The following PRAMEF9 variants were observed in gnomAD, a reference collection of about 807,000 sequenced individuals.
PRAMEF9 encodes the protein PRAME family member 9.
A neutral mutation model predicts 10.9 loss-of-function variants in PRAMEF9; 1 was observed. That is an observed-to-expected ratio of 0.09 (90% CI 0.03 to 0.44). The LOEUF (loss-of-function observed/expected upper bound fraction) is 0.44, where lower values mean the gene tolerates loss of function less well. Ranked by LOEUF, PRAMEF9 falls within the 20% of genes least tolerant of loss-of-function variation. The pLI is 0.97. For missense variants in PRAMEF9, 126 were observed against 379.8 expected (o/e 0.33, Z 5.55); for synonymous variants, 40 against 148.3 (o/e 0.27, Z 5.31).
rs1638361058 is a variant in PRAMEF9, at chr1:13,175,097, G to C, written c.-16-168G>C. ...CTTCGGAGACGCTCATGCTGATGCAGCAGAGGCAGAATGCTGGCTTAATGG... is the reference window on the plus strand; with the variant it reads ...CTTCGGAGACGCTCATGCTGATGCACCAGAGGCAGAATGCTGGCTTAATGG... On this transcript the variant is annotated intron_variant, in intron 1 of 3. Transcript: ENST00000415919. 9.7e-6 allele frequency: 7 copies of C among 720,264 alleles called. 1 individual carries two copies. The highest frequency in any genetic ancestry group is 1.6e-5 in the Non-Finnish European group (7 of 438,612). The allele number at this position is 720,264 out of a possible 1,614,324, so 44.6% of individuals were successfully genotyped here. A position where few individuals can be genotyped will look rare whatever the true frequency, so the allele number is the denominator to read the frequency against.
Position 13,172,530 on chromosome 1 carries a change from C to G in PRAMEF9, c.-19C>G, listed in dbSNP as rs1313280626. 70 of 140,916 alleles carry G rather than the reference C, an allele frequency of 5.0e-4. No homozygotes were observed. The highest frequency in any genetic ancestry group is 1.6e-3 in the African/African-American group (67 of 40,816). 8.7% of individuals were successfully genotyped at this position (140,916 alleles called of 1,614,324 possible). ...AGCACCTTCTAAACTACATCCAGAT[C>G]TGGTAAGTCACTAATTTCTGTAAGG... On this transcript the variant is annotated splice_region_variant and 5_prime_UTR_variant, in exon 1 of 4. The change creates a new upstream start codon in the 5' untranslated region. Transcript: ENST00000415919.
In PRAMEF9 at chr1:13,172,256, T is replaced by G. The variant is rs1361031708; in HGVS notation, c.-293T>G. ...TCGTGAAGTGAATATAGATATGTGA[T>G]ATGAATGGACATCTGATTCAATCCA... On this transcript the variant is annotated 5_prime_UTR_variant, in exon 1 of 4. Coordinates refer to ENST00000415919, the MANE Select transcript of PRAMEF9 (RefSeq NM_001010890.3). 6.9e-6 allele frequency: 1 copy of G among 144,830 alleles called. No homozygotes were observed. Among genetic ancestry groups the G allele is most frequent in the Non-Finnish European group, 1.6e-5 (1 of 64,036 alleles). The allele number at this position is 144,830 out of a possible 1,614,324, so 9.0% of individuals were successfully genotyped here. A position where few individuals can be genotyped will look rare whatever the true frequency, so the allele number is the denominator to read the frequency against.
intron 1 of PRAMEF9, chr1:13,172,757 G>A (rs1638341284): frequency 7.1e-6 from 1 of 140,304 alleles, no homozygotes; most frequent in Non-Finnish European, 1.6e-5. Context: ...TTCTTGAAGG[G>A]AGCAGTGACT....
intron 1 of PRAMEF9, chr1:13,172,883 T>G (rs1384554162): frequency 2.1e-5 from 3 of 140,454 alleles, no homozygotes; most frequent in African/African-American, 7.4e-5. Context: ...ACGTTTTTTT[T>G]GAGGGTGGGG....
At position 13,171,861 on chromosome 1, in the gene PRAMEF9, C is replaced by G. The variant is rs1156903729; in HGVS notation, c.-688C>G. On this transcript the variant is annotated 5_prime_UTR_variant, in exon 1 of 4. Transcript: ENST00000415919. Reference sequence around the variant, plus strand: ...AGTGGAATCAAATGTAGTTCTCTCTCTCTCTTTTTTCTTTTTCTTTTTTTT... The same window carrying G: ...AGTGGAATCAAATGTAGTTCTCTCTGTCTCTTTTTTCTTTTTCTTTTTTTT... The G allele has an allele frequency of 7.4e-6, 1 of 135,076 alleles. No individual in the cohort carries two copies. The highest frequency in any genetic ancestry group is 1.7e-5 in the Non-Finnish European group (1 of 60,320). The allele number at this position is 135,076 out of a possible 1,614,324, so 8.4% of individuals were successfully genotyped here.
rs1195606333 is a variant in PRAMEF9 at position 13,172,503 on chromosome 1, T to C, written c.-46T>C. 3.5e-5 allele frequency: 5 copies of C among 141,560 alleles called. No individual in the cohort carries two copies. The highest frequency in any genetic ancestry group is 1.2e-4 in the African/African-American group (5 of 40,772). 8.8% of individuals were successfully genotyped at this position (141,560 alleles called of 1,614,324 possible). ...TTCCTGCTTGGTTCTTCCTGAGGTC[T>C]GAGCACCTTCTAAACTACATCCAGA... On this transcript the variant is annotated 5_prime_UTR_variant, in exon 1 of 4. Transcript: ENST00000415919.
chr1:13,172,579 A>AGT (rs1638338294), intron 1 of PRAMEF9, 47 bp downstream of exon 1: 1 of 139,750 alleles, frequency 7.2e-6, no homozygotes, highest in East Asian at 2.5e-4. Flanking sequence ...ACCTACAGTC[A>AGT]GTCAGTCTGG....
chr1:13,172,616 C>G (rs1638338995), intron 1 of PRAMEF9, 84 bp downstream of exon 1: 1 of 136,952 alleles, frequency 7.3e-6, no homozygotes, highest in South Asian at 2.3e-4. Flanking sequence ...CCTAAGATGG[C>G]AGAGAGCTAT....
Position 13,175,044 on chromosome 1 carries a change from G to A in PRAMEF9, c.-16-221G>A, listed in dbSNP as rs1488405963. The A allele has an allele frequency of 8.1e-5, 44 of 540,538 alleles. 6 individuals carry two copies. The highest frequency in any genetic ancestry group is 1.4e-4 in the Non-Finnish European group (41 of 303,444). The allele number at this position is 540,538 out of a possible 1,614,324, so 33.5% of individuals were successfully genotyped here. A position where few individuals can be genotyped will look rare whatever the true frequency, so the allele number is the denominator to read the frequency against. ...GATGGAGCACTGGATAGAAAGGAAG[G>A]GCTCGTGGTGACCCTGCTTCCTCAC... On this transcript the variant is annotated intron_variant, in intron 1 of 3. Coordinates refer to ENST00000415919, the MANE Select transcript of PRAMEF9 (RefSeq NM_001010890.3).
In PRAMEF9 at chr1:13,175,548, C is replaced by G; in HGVS notation, c.268C>G (p.Leu90Val). ...AGCTGTGCTCGATGGGCTGGATGCA[C>G]TGCTTACCCAAGGGGTTTGTCCCAG... The part of the protein sequence containing the change: ...FQAVLDGLDA[L>V]LTQGVCPRRW... Residue 90 changes from leucine to valine, a missense_variant, in exon 2 of 4, where the codon CTG (leucine) becomes GTG (valine). Transcript: ENST00000415919. The G allele has an allele frequency of 2.0e-6, 3 of 1,534,268 alleles. 1 individual carries two copies. The highest frequency in any genetic ancestry group is 1.8e-6 in the Non-Finnish European group (2 of 1,119,180).
rs781891994 is a variant in PRAMEF9 at position 13,178,998 on chromosome 1, C to G, written c.1303C>G (p.Gln435Glu). ...TACTCTCTGCTGGAGCAGATTTGCT[C>G]AAATTAGGGCTGAGCTGATGAACAG... ...DGTLCWSRFA[Q>E]IRAELMNRVR... is the part of the protein sequence containing the mutation. The change falls in exon 4 of 4, where the codon CAA becomes GAA. Residue 435 changes from glutamine (Q) to glutamate (E), a missense_variant. Gln to Glu is a conservative substitution (Grantham distance 29, BLOSUM62 2). Transcript: ENST00000415919. 6.5e-7 allele frequency: 1 copy of G among 1,541,076 alleles called. No homozygotes were observed. Among genetic ancestry groups the G allele is most frequent in the African/African-American group, 1.3e-5 (1 of 74,182 alleles).
chr1:13,172,728 G>T (rs1638340794), intron 1 of PRAMEF9, 196 bp downstream of exon 1: 1 of 137,850 alleles, frequency 7.3e-6, no homozygotes, highest in Non-Finnish European at 1.6e-5. Flanking sequence ...ATTGTGCTTT[G>T]GTTGATGCCA....
In PRAMEF9 at chr1:13,172,566, C is replaced by CTT. The variant is rs1638337618; in HGVS notation, c.-17+35_-17+36insTT. ...CTAATTTCTGTAAGGACACTCCCAT[C>CTT]TGACCTACAGTCAGTCAGTCTGGGA... On this transcript the variant is annotated intron_variant, in intron 1 of 3. Transcript: ENST00000415919. 3 of 140,214 alleles carry CTT rather than the reference C, an allele frequency of 2.1e-5. No individual in the cohort carries two copies. In the East Asian group the frequency reaches 7.3e-4, roughly 34 times the overall value. The allele number at this position is 140,214 out of a possible 1,614,324, so 8.7% of individuals were successfully genotyped here. A position where few individuals can be genotyped will look rare whatever the true frequency, so the allele number is the denominator to read the frequency against.
rs1476716867 is a variant in PRAMEF9, at chr1:13,171,853, T to C, written c.-696T>C. 12 of 140,570 alleles carry C rather than the reference T, an allele frequency of 8.5e-5. 4 individuals are homozygous for C. The highest frequency in any genetic ancestry group is 1.6e-4 in the Non-Finnish European group (10 of 62,472). The allele number at this position is 140,570 out of a possible 1,614,324, so 8.7% of individuals were successfully genotyped here. On this transcript the variant is annotated 5_prime_UTR_variant, in exon 1 of 4. Transcript: ENST00000415919. ...TCGGTAGAAGTGGAATCAAATGTAG[T>C]TCTCTCTCTCTCTTTTTTCTTTTTC... is the stretch of plus-strand genomic sequence containing the variant.
Position 13,171,868 on chromosome 1 carries a change from TTTTC to T in PRAMEF9, c.-677_-674del, listed in dbSNP as rs1638318357. Reference sequence around the variant, plus strand: ...TCAAATGTAGTTCTCTCTCTCTCTTTTTTCTTTTTCTTTTTTTTTTTTTTTTTTT... The same window carrying T: ...TCAAATGTAGTTCTCTCTCTCTCTTTTTTTTCTTTTTTTTTTTTTTTTTTT... On this transcript the variant is annotated 5_prime_UTR_variant, in exon 1 of 4. Coordinates refer to ENST00000415919, the MANE Select transcript of PRAMEF9 (RefSeq NM_001010890.3). 9.0e-6 allele frequency: 1 copy of T among 110,862 alleles called. No individual in the cohort carries two copies. The highest frequency in any genetic ancestry group is 2.0e-5 in the Non-Finnish European group (1 of 50,244). 6.9% of individuals were successfully genotyped at this position (110,862 alleles called of 1,614,324 possible). A position where few individuals can be genotyped will look rare whatever the true frequency, so the allele number is the denominator to read the frequency against.
chr1:13,172,330 GGAGC>G lies in PRAMEF9; in HGVS notation c.-218_-215del, dbSNP rs1638333250. On this transcript the variant is annotated 5_prime_UTR_variant, in exon 1 of 4. The change creates a premature stop within an existing upstream ORF in the 5' untranslated region. Transcript: ENST00000415919. Reference sequence around the variant, plus strand: ...CCAATCAGGATTACCTGGGTGGAGTGGAGCTTCACAAATGCAATCAGATATCATT... The same window carrying G: ...CCAATCAGGATTACCTGGGTGGAGTGTTCACAAATGCAATCAGATATCATT... 19 of 126,792 alleles carry G rather than the reference GGAGC, an allele frequency of 1.5e-4. No homozygotes were observed. Among genetic ancestry groups the G allele is most frequent in the African/African-American group, 4.6e-4 (18 of 38,760 alleles). The allele number at this position is 126,792 out of a possible 1,614,324, so 7.9% of individuals were successfully genotyped here.
chr1:13,178,949 G>A lies in PRAMEF9; in HGVS notation c.1254G>A (p.Pro418=), dbSNP rs535726805. ...TATGCGTGGAGGTGTATCCTGCCCC[G>A]CGGGAGAGTTATGGTGCTGATGGTA... is the stretch of plus-strand genomic sequence containing the variant. ...KNLCVEVYPA[P]RESYGADGTL... is the part of the protein sequence containing the mutation. Residue 418 remains proline (P), a synonymous_variant, in exon 4 of 4, where the codon CCG becomes CCA. Coordinates refer to ENST00000415919, the MANE Select transcript of PRAMEF9 (RefSeq NM_001010890.3). 634 of 1,534,328 alleles carry A rather than the reference G, an allele frequency of 4.1e-4. 105 individuals are homozygous for A. The highest frequency in any genetic ancestry group is 1.7e-3 in the East Asian group (71 of 41,788).
In PRAMEF9 at chr1:13,178,580, G is replaced by C; in HGVS notation, c.885G>C (p.Lys295Asn). The C allele has an allele frequency of 1.3e-6, 1 of 751,474 alleles. No individual in the cohort carries two copies. The highest frequency in any genetic ancestry group is 1.8e-5 in the South Asian group (1 of 56,998). The allele number at this position is 751,474 out of a possible 1,614,324, so 46.6% of individuals were successfully genotyped here. The change falls in exon 4 of 4, where the codon AAG (lysine) becomes AAC (asparagine). Residue 295 changes from lysine to asparagine, a missense_variant. Transcript: ENST00000415919. The part of the protein sequence containing the change: ...GHLDQLLSCL[K>N]TSLKVLTITN... The stretch of plus-strand genomic sequence containing the variant: ...TGCTCTCTCTCCCCAGCTGTCTGAA[G>C]ACCTCGTTAAAGGTCCTCACAATAA...
At position 13,172,224 on chromosome 1, in the gene PRAMEF9, T is replaced by C. The variant is rs1179972235; in HGVS notation, c.-325T>C. ...TACCCTATCCCTAACACTGTCAATT[T>C]CTTGCTTCGTGAAGTGAATATAGAT... On this transcript the variant is annotated 5_prime_UTR_variant, in exon 1 of 4. Coordinates refer to ENST00000415919, the MANE Select transcript of PRAMEF9 (RefSeq NM_001010890.3). 3 of 144,808 alleles carry C rather than the reference T, an allele frequency of 2.1e-5. 1 individual carries two copies. Among genetic ancestry groups the C allele is most frequent in the Non-Finnish European group, 4.7e-5 (3 of 64,040 alleles). 9.0% of individuals were successfully genotyped at this position (144,808 alleles called of 1,614,324 possible).
Sources: gnomAD v4.1 joint callset for allele counts on GRCh38, gnomAD v4.1.1 for gene constraint, MANE v1.5 for transcripts, NCBI Gene and HGNC (gene_info 2026-07-23, HGNC 2026-07-21) for gene names.